Variants in TTC6 observed in about 807,000 individuals in gnomAD.
TTC6 encodes the protein tetratricopeptide repeat domain 6.
Under a neutral mutation model 210.4 loss-of-function variants are expected in TTC6, and 172 were observed. The observed-to-expected ratio is 0.82, with a 90% CI of 0.72 to 0.93. The LOEUF (loss-of-function observed/expected upper bound fraction) is 0.93. TTC6 is among the 40% of genes least tolerant of loss of function. TTC6 has a pLI of 0.00. For missense variants in TTC6, 2,414 were observed against 2,318.1 expected (o/e 1.04, Z -0.85); for synonymous variants, 804 against 819.6 (o/e 0.98, Z 0.32).
chr14:37,597,501 G>A (rs1337337118), intron 1 of TTC6, among the ~76,000 whole-genome samples: 1 of 150,626 alleles, frequency 6.6e-6, no homozygotes. Flanking sequence ...AATATCAAAT[G>A]TTCTTTTAGC....
At chr14:37,657,917 AT>A (rs2095728214) in intron 1 of TTC6, among the ~76,000 whole-genome samples, 1 of 152,192 alleles carries the variant, frequency 6.6e-6, no homozygotes, top group African/African-American at 2.4e-5. Context: ...TGAAAAATTC[AT>A]TCCTTTGGTT....
chr14:37,805,454 A>AC (rs2096116335), intron 21 of TTC6, among the ~76,000 whole-genome samples: 2 of 90,230 alleles, frequency 2.2e-5, no homozygotes, highest in African/African-American at 7.2e-5. Context: ...CACACACACA[A>AC]ACACACACAC....
chr14:37,822,467 C>G (rs920757666), intron 26 of TTC6, among the ~76,000 whole-genome samples: 1 of 152,056 alleles, frequency 6.6e-6, no homozygotes, highest in Non-Finnish European at 1.5e-5. Flanking sequence ...AGTAGTGATA[C>G]ATCTTACTAA....
intron 12 of TTC6, among the ~76,000 whole-genome samples, chr14:37,750,664 A>G (rs1029149341): frequency 6.6e-6 from 1 of 152,192 alleles, no homozygotes; most frequent in South Asian, 2.1e-4. Flanking sequence ...AGGTGGGCAG[A>G]TGACATGAGC....
chr14:37,806,576 A>G (rs2096119006), intron 22 of TTC6, 66 bp downstream of exon 24: 3 of 1,398,488 alleles, frequency 2.1e-6, no homozygotes, highest in Non-Finnish European at 2.8e-6. Context: ...TAAATCTTTT[A>G]TGTGCCATTG....
chr14:37,631,162 G>A (rs1196753572), intron 1 of TTC6, among the ~76,000 whole-genome samples: 8 of 151,826 alleles, frequency 5.3e-5, no homozygotes, highest in Non-Finnish European at 1.0e-4. Context: ...TGTGATGCTA[G>A]CTGGTTATTT....
At chr14:37,601,646 C>G (rs563010237) in intron 1 of TTC6, among the ~76,000 whole-genome samples, 1 of 152,200 alleles carries the variant, frequency 6.6e-6, no homozygotes, top group African/African-American at 2.4e-5. Flanking sequence ...GTCTCAGACA[C>G]CTGAGAACCT....
At chr14:37,595,698 C>T (rs1423077226), upstream of TTC6, 1 of 152,226 alleles carries the variant, frequency 6.6e-6, no homozygotes, top group African/African-American at 2.4e-5. Flanking sequence ...ACCCCGGGGT[C>T]CCTCCCCAGA....
intron 29 of TTC6, among the ~76,000 whole-genome samples, chr14:37,831,965 T>C (rs1871085266): frequency 6.6e-6 from 1 of 152,200 alleles, no homozygotes; most frequent in African/African-American, 2.4e-5. Flanking sequence ...GTTTTTGCTT[T>C]TGTTGCCTGT....
chr14:37,714,813 A>G lies in TTC6; in HGVS notation c.1713+17A>G. ...GGAGAGGAAGTAAGAACTTTCTTTA[A>G]TATTAGTTTTTTTGTACCTCACAGG... On this transcript the variant is annotated intron_variant, in intron 6 of 30. Transcript: ENST00000553443. 6.5e-7 allele frequency: 1 copy of G among 1,528,812 alleles called. No homozygotes were observed. The highest frequency in any genetic ancestry group is 1.4e-5 in the African/African-American group (1 of 72,662). 94.7% of individuals were successfully genotyped at this position (1,528,812 alleles called of 1,614,324 possible). A position where few individuals can be genotyped will look rare whatever the true frequency, so the allele number is the denominator to read the frequency against.
At chr14:37,768,013 A>G (rs1248118168) in intron 14 of TTC6, among the ~76,000 whole-genome samples, 15 of 150,144 alleles carry the variant, frequency 1.0e-4, no homozygotes, top group South Asian at 2.1e-4. Flanking sequence ...TCAGCTTTCT[A>G]CATATGGCCA....
chr14:37,758,167 G>A (rs1287696139), intron 14 of TTC6, among the ~76,000 whole-genome samples: 9 of 152,186 alleles, frequency 5.9e-5, no homozygotes, highest in Admixed American at 2.6e-4. Context: ...TTGATTTGGT[G>A]TGGAGAGTTC....
chr14:37,632,192 G>A (rs981686510), intron 1 of TTC6, among the ~76,000 whole-genome samples: 1 of 152,152 alleles, frequency 6.6e-6, no homozygotes. Flanking sequence ...GAGGACAAGA[G>A]GCGTTCTGGT....
chr14:37,649,296 C>G (rs1439082308), intron 1 of TTC6, among the ~76,000 whole-genome samples: 6 of 152,164 alleles, frequency 3.9e-5, no homozygotes, highest in Non-Finnish European at 5.9e-5. Flanking sequence ...TTACTGCTTC[C>G]TGGATTCTCC....
intron 20 of TTC6, among the ~76,000 whole-genome samples, chr14:37,801,387 G>C (rs1398976270): frequency 6.6e-6 from 1 of 152,114 alleles, no homozygotes; most frequent in Non-Finnish European, 1.5e-5. Flanking sequence ...TTGAATTACT[G>C]GGGGCCAGAT....
chr14:37,615,768 T>A (rs2095641744), intron 2 of TTC6, among the ~76,000 whole-genome samples: 2 of 152,214 alleles, frequency 1.3e-5, no homozygotes, highest in African/African-American at 4.8e-5. Flanking sequence ...TTTCTTTTTC[T>A]TTTTATTAAT....
At chr14:37,784,601 G>A (rs1385201181) in intron 14 of TTC6, among the ~76,000 whole-genome samples, 1 of 152,080 alleles carries the variant, frequency 6.6e-6, no homozygotes, top group African/African-American at 2.4e-5. Flanking sequence ...TCTTTTAATT[G>A]GAGCATTTAG....
intron 2 of TTC6, among the ~76,000 whole-genome samples, chr14:37,608,414 A>G (rs1475316039): frequency 1.3e-5 from 2 of 151,954 alleles, no homozygotes; most frequent in Non-Finnish European, 2.9e-5. Context: ...GGCCTAAGCA[A>G]TCCTCCTACC....
At chr14:37,613,326 T>C (rs28802081) in intron 2 of TTC6, among the ~76,000 whole-genome samples, 38,929 of 152,030 alleles carry the variant, frequency 0.26, 5,058 homozygotes, top group African/African-American at 0.29. Context: ...TTTCAACCCT[T>C]GGATAAACTC....
Sources: gnomAD v4.1 joint callset for allele counts (sites outside exome capture counted in the v4.1 genomes callset) on GRCh38, gnomAD v4.1.1 for gene constraint, MANE v1.5 for transcripts, NCBI Gene and HGNC (gene_info 2026-07-23, HGNC 2026-07-21) for gene names.